The following VPS13D variants were observed in gnomAD, a reference collection of about 807,000 sequenced individuals.
VPS13D encodes intermembrane lipid transfer protein VPS13D.
A neutral mutation model predicts 461.9 loss-of-function variants in VPS13D; 187 were observed. The ratio of observed to expected loss-of-function variants is 0.40; its 90% CI spans 0.36 to 0.46. The LOEUF is 0.46. VPS13D is among the 20% of genes least tolerant of loss of function. VPS13D has a pLI of 0.60. For missense variants in VPS13D, 4,711 were observed against 5,364.9 expected (o/e 0.88, Z 3.81); for synonymous variants, 1,951 against 1,986.3 (o/e 0.98, Z 0.47).
intron 17 of VPS13D, among the ~76,000 whole-genome samples, chr1:12,272,129 G>T (rs1044091188): frequency 6.6e-6 from 1 of 152,134 alleles, no homozygotes; most frequent in Non-Finnish European, 1.5e-5. Flanking sequence ...GAATTGGAGG[G>T]TGCAGTGAGC....
Position 12,401,368 on chromosome 1 carries a change from A to G in VPS13D, c.11785-240A>G, listed in dbSNP as rs568221977. 1.6e-3 allele frequency among the ~76,000 whole-genome samples: 245 copies of G among 152,328 alleles called. 1 individual carries two copies. Among genetic ancestry groups the G allele is most frequent in the Non-Finnish European group, 3.1e-3 (208 of 68,012 alleles). ...GCATCTGAGGCTGGAATCCTGACTA[A>G]TGAGGCCCAGATTGCCTGGGAACCA... On this transcript the variant is annotated intron_variant, in intron 61 of 69. Coordinates refer to ENST00000620676, the MANE Select transcript of VPS13D (RefSeq NM_015378.4).
chr1:12,258,312 A>G (rs1415454248), intron 10 of VPS13D, among the ~76,000 whole-genome samples: 5 of 152,186 alleles, frequency 3.3e-5, no homozygotes. Context: ...GCCATGGGGT[A>G]GGAGGAAGAA....
rs1020405434 is a variant in VPS13D, at chr1:12,431,489, G to C, written c.12333+14662G>C. ...ATTGTTGAGACTGGGCCGGCAGCTT[G>C]TGGGCACCTGCTTGGTAGGAGTGAG... On this transcript the variant is annotated intron_variant, in intron 65 of 69. Transcript: ENST00000620676. Among the ~76,000 whole-genome samples, 4 of 150,860 alleles carry C rather than the reference G, an allele frequency of 2.7e-5. No individual in the cohort carries two copies. In the South Asian group the frequency reaches 8.5e-4, roughly 32 times the overall value.
chr1:12,382,461 T>A (rs1229775393), intron 57 of VPS13D, among the ~76,000 whole-genome samples: 3 of 152,188 alleles, frequency 2.0e-5, no homozygotes, highest in Non-Finnish European at 4.4e-5. Flanking sequence ...CAACTCTGTA[T>A]TCCATTCTAG....
At chr1:12,289,560 T>G (rs1173581373) in intron 22 of VPS13D, among the ~76,000 whole-genome samples, 1 of 150,790 alleles carries the variant, frequency 6.6e-6, no homozygotes, top group Non-Finnish European at 1.5e-5. Context: ...TAGAGGAGAT[T>G]GGCTTTTTTT....
In VPS13D at chr1:12,276,290, T is replaced by A. The variant is rs1463413737; in HGVS notation, c.2702T>A (p.Leu901His). 1 of 1,614,112 alleles carries A rather than the reference T, an allele frequency of 6.2e-7. No homozygotes were observed. Among genetic ancestry groups the A allele is most frequent in the South Asian group, 1.1e-5 (1 of 91,084 alleles). ...GCACTAAAGAATTGCTTTGCTCTCC[T>A]CACCACCCCAGAAATGAAAACTTCT... ...ISALKNCFAL[L>H]TTPEMKTSDT... Residue 901 changes from leucine (L) to histidine (H), a missense_variant, in exon 19 of 70, where the codon CTC becomes CAC. Transcript: ENST00000620676. This position sits in a 1 kb window ranked among gnomAD's most constrained non-coding sequence, Gnocchi z 4.5.
At chr1:12,306,593 A>G (rs903929100) in intron 26 of VPS13D, among the ~76,000 whole-genome samples, 1 of 152,084 alleles carries the variant, frequency 6.6e-6, no homozygotes, top group African/African-American at 2.4e-5. Context: ...CTGATTTGCT[A>G]TTTGTTTCTG....
chr1:12,435,126 A>G (rs1477028705), intron 65 of VPS13D, among the ~76,000 whole-genome samples: 2 of 152,204 alleles, frequency 1.3e-5, no homozygotes, highest in East Asian at 1.9e-4. Flanking sequence ...TACAGAAAAC[A>G]TGGGATAGAC....
chr1:12,397,983 G>A (rs1441658137), intron 60 of VPS13D, among the ~76,000 whole-genome samples: 61 of 152,334 alleles, frequency 4.0e-4, no homozygotes, highest in Non-Finnish European at 2.9e-5. Context: ...TTTGGTGCCA[G>A]TTCATGCAGG....
chr1:12,280,038 T>C (rs1641731335), intron 20 of VPS13D, among the ~76,000 whole-genome samples: 1 of 151,950 alleles, frequency 6.6e-6, no homozygotes, highest in Non-Finnish European at 1.5e-5. Flanking sequence ...TGTGGACAGA[T>C]CCTTTCAACA....
intron 30 of VPS13D, among the ~76,000 whole-genome samples, chr1:12,315,537 T>C (rs1410901923): frequency 6.6e-6 from 1 of 152,256 alleles, no homozygotes; most frequent in Non-Finnish European, 1.5e-5. Context: ...GCAGAGGGGA[T>C]GACTTCTTCC....
chr1:12,276,418 C>T lies in VPS13D; in HGVS notation c.2830C>T (p.His944Tyr). 6.2e-7 allele frequency: 1 copy of T among 1,614,184 alleles called. No homozygotes were observed. The highest frequency in any genetic ancestry group is 8.5e-7 in the Non-Finnish European group (1 of 1,180,038). Residue 944 changes from histidine to tyrosine, a missense_variant, in exon 19 of 70, where the codon CAT becomes TAT. Transcript: ENST00000620676. The surrounding 1 kb of genome is among the most constrained non-coding windows in gnomAD (Gnocchi z 4.5). ...CCAGAGCATTGTGTTGTTGGAGCAG[C>T]ATACCCGCGAGGTTCTGGTGGAGTC... ...LTQSIVLLEQ[H>Y]TREVLVESQL...
At chr1:12,405,680 A>G (rs980042260) in intron 63 of VPS13D, among the ~76,000 whole-genome samples, 6 of 152,188 alleles carry the variant, frequency 3.9e-5, no homozygotes, top group Admixed American at 3.3e-4. Context: ...GGGGAAAACC[A>G]TGGGAAAACC....
intron 23 of VPS13D, 88 bp downstream of exon 23, chr1:12,291,212 T>G (rs530409306): frequency 5.6e-4 from 807 of 1,435,576 alleles, no homozygotes; most frequent in Non-Finnish European, 6.8e-4. Flanking sequence ...AAAGAAAACT[T>G]TTAAAAATTT....
intron 67 of VPS13D, among the ~76,000 whole-genome samples, chr1:12,479,582 C>A (rs568077335): frequency 1.3e-5 from 2 of 152,170 alleles, no homozygotes; most frequent in African/African-American, 2.4e-5. Flanking sequence ...ACAGGGGATA[C>A]GTAACTTGTC....
intron 66 of VPS13D, among the ~76,000 whole-genome samples, chr1:12,456,471 C>T (rs2100399746): frequency 6.6e-6 from 1 of 152,050 alleles, no homozygotes; most frequent in African/African-American, 2.4e-5. Flanking sequence ...AACCCCATCT[C>T]TATCAAAAAT....
At chr1:12,361,765 C>T (rs191035511) in intron 50 of VPS13D, among the ~76,000 whole-genome samples, 41 of 152,162 alleles carry the variant, frequency 2.7e-4, no homozygotes, top group African/African-American at 9.4e-4. Flanking sequence ...TATTTGGAAC[C>T]GGCTGTCTTG....
chr1:12,356,180 A>G, intron 48 of VPS13D, 90 bp downstream of exon 48: 2 of 1,474,850 alleles, frequency 1.4e-6, no homozygotes, highest in South Asian at 1.4e-5. Context: ...AGCCAATGCA[A>G]ATAGATTACT....
chr1:12,401,522 T>A, intron 61 of VPS13D, 86 bp from the exon 62 acceptor site: 1 of 919,840 alleles, frequency 1.1e-6, no homozygotes, highest in Non-Finnish European at 1.7e-6. Context: ...AATGAAAGCA[T>A]ACCATGTCAT....
Sources: allele counts gnomAD v4.1 joint callset (sites outside exome capture counted in the v4.1 genomes callset), GRCh38; gene constraint gnomAD v4.1.1; non-coding constraint Gnocchi (gnomAD v3.1); transcripts MANE v1.5; gene names NCBI Gene and HGNC (gene_info 2026-07-23, HGNC 2026-07-21).